PPP2R2D: variants seen among roughly 807,000 people sequenced by gnomAD.
The protein encoded by PPP2R2D is protein phosphatase 2 regulatory subunit Bdelta.
Under a neutral mutation model 31.1 loss-of-function variants are expected in PPP2R2D, and 9 were observed. The observed-to-expected ratio is 0.29, with a 90% CI of 0.17 to 0.51. The LOEUF is 0.51. Among genes scored for constraint, PPP2R2D ranks in the 20% least tolerant of loss-of-function variants. The pLI, the probability that PPP2R2D is intolerant of heterozygous loss-of-function variation, is 0.98. For missense variants in PPP2R2D, 391 were observed against 465.6 expected (o/e 0.84, Z 1.48); for synonymous variants, 179 against 172.6 (o/e 1.04, Z -0.29).
intron 2 of PPP2R2D, among the ~76,000 whole-genome samples, chr10:131,924,125 GTC>G (rs1342128108): frequency 1.3e-5 from 2 of 152,116 alleles, no homozygotes; most frequent in Admixed American, 1.3e-4. Context: ...TGTGTTTTCA[GTC>G]TCTTGATGGT....
At chr10:131,912,274 C>G (rs2035697153) in intron 2 of PPP2R2D, 1 of 152,202 alleles carries the variant, frequency 6.6e-6, no homozygotes, top group Admixed American at 6.5e-5. Context: ...TCACTGCAGC[C>G]TGATCAGGCT....
chr10:131,901,039 C>CGGCGGCGGCGGT lies in PPP2R2D; in HGVS notation c.-103_-102insGCGGTGGCGGCG, dbSNP rs1459990988. On this transcript the variant is annotated 5_prime_UTR_variant, in exon 1 of 9. Coordinates refer to ENST00000455566, the MANE Select transcript of PPP2R2D (RefSeq NM_018461.5). ...CCCTCCCCGGCGGCGGCGGCGGCGG[C>CGGCGGCGGCGGT]GGCGGCGCCGGCGGTGGTGGCGGCC... is the stretch of plus-strand genomic sequence containing the variant. 1.9e-5 allele frequency: 3 copies of CGGCGGCGGCGGT among 159,652 alleles called. No homozygotes were observed. Among genetic ancestry groups the CGGCGGCGGCGGT allele is most frequent in the Non-Finnish European group, 4.0e-5 (3 of 75,370 alleles). The allele number at this position is 159,652 out of a possible 1,614,324, so 9.9% of individuals were successfully genotyped here.
chr10:131,935,030 G>GC, intron 3 of PPP2R2D: 1 of 452,796 alleles, frequency 2.2e-6, no homozygotes. Flanking sequence ...ACTCCTCCAT[G>GC]CCCCCTTGAA....
At chr10:131,935,777 A>T (rs1316623508) in intron 3 of PPP2R2D, among the ~76,000 whole-genome samples, 1 of 152,152 alleles carries the variant, frequency 6.6e-6, no homozygotes, top group African/African-American at 2.4e-5. Flanking sequence ...AGAACCATAT[A>T]CCTTGGCCAG....
chr10:131,966,531 G>C, the PPP2R2D span: 2 of 152,126 alleles, frequency 1.3e-5, no homozygotes, highest in East Asian at 1.9e-4. Context: ...CTTGATTCTT[G>C]GTCTCCCATC....
chr10:131,927,434 T>C (rs923696036), intron 2 of PPP2R2D, among the ~76,000 whole-genome samples: 1 of 151,862 alleles, frequency 6.6e-6, no homozygotes, highest in Non-Finnish European at 1.5e-5. Flanking sequence ...CGGGTTGGAG[T>C]ACAGGAGGCC....
chr10:131,934,651 T>C (rs538408768), intron 3 of PPP2R2D, 96 bp downstream of exon 3: 1 of 709,350 alleles, frequency 1.4e-6, no homozygotes, highest in East Asian at 2.5e-5. Context: ...CATTGTCTCA[T>C]TTCATTAAGA....
chr10:131,946,522 G>A (rs1223686404), intron 7 of PPP2R2D, among the ~76,000 whole-genome samples: 3 of 152,210 alleles, frequency 2.0e-5, no homozygotes, highest in Admixed American at 2.0e-4. Flanking sequence ...GGTTGAGTGT[G>A]TTTTTAAGAA....
the PPP2R2D span, chr10:131,967,531 C>T: frequency 7.2e-4 from 109 of 152,362 alleles, no homozygotes; most frequent in Non-Finnish European, 1.2e-3. Context: ...ATTTAACACC[C>T]GAATTAAGCG....
At chr10:131,924,214 T>C (rs2036054417) in intron 2 of PPP2R2D, among the ~76,000 whole-genome samples, 1 of 152,166 alleles carries the variant, frequency 6.6e-6, no homozygotes, top group Admixed American at 6.5e-5. Flanking sequence ...GTGCTTTTGG[T>C]ATTATATGTA....
intron 2 of PPP2R2D, among the ~76,000 whole-genome samples, chr10:131,917,460 C>G (rs1236408379): frequency 7.6e-6 from 1 of 131,768 alleles, no homozygotes; most frequent in Non-Finnish European, 1.6e-5. Context: ...TTGTAGGGAC[C>G]TCAGGCGGGT....
intron 2 of PPP2R2D, among the ~76,000 whole-genome samples, chr10:131,916,222 C>T (rs1459766598): frequency 6.6e-6 from 1 of 151,996 alleles, no homozygotes; most frequent in Non-Finnish European, 1.5e-5. Flanking sequence ...CACCCAGAGG[C>T]GGGCTCTGTG....
At chr10:131,922,209 C>G (rs1353835043) in intron 2 of PPP2R2D, among the ~76,000 whole-genome samples, 1 of 152,214 alleles carries the variant, frequency 6.6e-6, no homozygotes, top group East Asian at 1.9e-4. Context: ...TTGACCGTTT[C>G]TCTCTCATGT....
intron 8 of PPP2R2D, among the ~76,000 whole-genome samples, chr10:131,951,548 C>G (rs1005804465): frequency 5.3e-5 from 8 of 152,164 alleles, no homozygotes; most frequent in Admixed American, 5.2e-4. Context: ...ATTGGCCAGG[C>G]GCAGTGGCTC....
intron 7 of PPP2R2D, among the ~76,000 whole-genome samples, chr10:131,946,501 C>T (rs2036544328): frequency 6.6e-6 from 1 of 152,184 alleles, no homozygotes; most frequent in Non-Finnish European, 1.5e-5. Context: ...TTCGCCTGTT[C>T]TCTTTCCTGA....
the PPP2R2D span, chr10:131,970,997 G>A: frequency 2.5e-6 from 4 of 1,601,270 alleles, no homozygotes; most frequent in South Asian, 3.3e-5. The surrounding 1 kb of genome is among the most constrained non-coding windows in gnomAD (Gnocchi z 4.1). Flanking sequence ...GTTAAAGGCA[G>A]ATCAGTGTAC....
chr10:131,920,132 TAC>T (rs1261518963), intron 2 of PPP2R2D, among the ~76,000 whole-genome samples: 2 of 24,006 alleles, frequency 8.3e-5, no homozygotes, highest in African/African-American at 3.6e-4. Flanking sequence ...CGGGTGGAAT[TAC>T]ACAGTGTAGG....
chr10:131,971,146 G>A, the PPP2R2D span: 26 of 621,786 alleles, frequency 4.2e-5, no homozygotes, highest in Admixed American at 2.0e-4. Flanking sequence ...TCCCCGGGCC[G>A]CGCCGCACTC....
chr10:131,940,130 GA>G lies in PPP2R2D; in HGVS notation c.304del (p.Ile102LeufsTer24). The stretch of plus-strand genomic sequence containing the variant: ...CTATTTGAAAAGTCTAGAAATTGAG[GA>G]AAAAATTAATAAAATTAGGTGGTTA... The part of the protein sequence containing the change: ...FDYLKSLEIE[E>X]KINKIRWLPQ... On this transcript the variant is annotated frameshift_variant, in exon 4 of 9. Coordinates refer to ENST00000455566, the MANE Select transcript of PPP2R2D (RefSeq NM_018461.5). LOFTEE classifies it high-confidence loss of function. 1.3e-6 allele frequency: 1 copy of G among 778,108 alleles called. No individual in the cohort carries two copies. The highest frequency in any genetic ancestry group is 1.3e-5 in the South Asian group (1 of 74,098). The allele number at this position is 778,108 out of a possible 1,614,324, so 48.2% of individuals were successfully genotyped here.
Sources: allele counts gnomAD v4.1 joint callset (sites outside exome capture counted in the v4.1 genomes callset), GRCh38; gene constraint gnomAD v4.1.1; non-coding constraint Gnocchi (gnomAD v3.1); transcripts MANE v1.5; gene names NCBI Gene and HGNC (gene_info 2026-07-23, HGNC 2026-07-21).